The following UPRT variants were observed in gnomAD, a reference collection of about 807,000 sequenced individuals.
UPRT encodes RP11-311P8.3.
UPRT carries 5 observed loss-of-function variants against 22.6 expected under a neutral mutation model. The ratio of observed to expected loss-of-function variants is 0.22; its 90% CI spans 0.12 to 0.47. The LOEUF (loss-of-function observed/expected upper bound fraction) is 0.47, where lower values mean the gene tolerates loss of function less well. UPRT is among the 20% of genes least tolerant of loss of function. The pLI, the probability that UPRT is intolerant of heterozygous loss-of-function variation, is 0.99. For missense variants in UPRT, 181 were observed against 239.9 expected, an observed-to-expected ratio of 0.75 and a Z score of 1.62; for synonymous variants, 77 against 87.7, an observed-to-expected ratio of 0.88 and a Z score of 0.68.
intron 1 of UPRT, among the ~76,000 whole-genome samples, chrX:75,285,752 A>G (rs775818140): frequency 4.5e-5 from 5 of 111,119 alleles, no homozygotes; most frequent in Non-Finnish European, 9.4e-5. Flanking sequence ...AGGTGCAGGT[A>G]AATAGTTATT....
intron 4 of UPRT, among the ~76,000 whole-genome samples, chrX:75,215,117 C>CT (rs1016370550): frequency 9.0e-5 from 10 of 110,747 alleles, no homozygotes; most frequent in African/African-American, 1.6e-4. Context: ...AAGAAGATAT[C>CT]TTTTTTTTAG....
chrX:75,187,528 T>C (rs1025848901), intron 4 of UPRT, among the ~76,000 whole-genome samples: 4 of 111,434 alleles, frequency 3.6e-5, no homozygotes, highest in Non-Finnish European at 7.5e-5. Context: ...GAGGAGTATC[T>C]TTGTGGCATT....
intron 4 of UPRT, among the ~76,000 whole-genome samples, chrX:75,180,076 C>A (rs1261984907): frequency 8.9e-6 from 1 of 112,735 alleles, no homozygotes; most frequent in Non-Finnish European, 1.9e-5. Context: ...CACGCTGTCA[C>A]CTCTCACTTT....
intron 4 of UPRT, among the ~76,000 whole-genome samples, chrX:75,234,328 T>A (rs1265059329): frequency 1.8e-5 from 2 of 110,643 alleles, no homozygotes; most frequent in Admixed American, 9.7e-5. Flanking sequence ...CTCCCACACA[T>A]TAATAATGGG....
intron 4 of UPRT, among the ~76,000 whole-genome samples, chrX:75,241,592 G>T (rs1360761303): frequency 3.6e-5 from 4 of 111,393 alleles, no homozygotes; most frequent in Non-Finnish European, 7.6e-5. Context: ...CAGAGAAAAA[G>T]AAGTCATTAT....
intron 4 of UPRT, among the ~76,000 whole-genome samples, chrX:75,252,690 G>A (rs1000235710): frequency 8.9e-6 from 1 of 111,742 alleles, no homozygotes; most frequent in Non-Finnish European, 1.9e-5. Flanking sequence ...TCCCATTACT[G>A]GGTATATACC....
chrX:75,209,012 C>A (rs1350776056), intron 4 of UPRT, among the ~76,000 whole-genome samples: 3 of 111,550 alleles, frequency 2.7e-5, no homozygotes, highest in Non-Finnish European at 5.6e-5. Context: ...CTTAATCTGT[C>A]CTGCCTCAAG....
intron 4 of UPRT, among the ~76,000 whole-genome samples, chrX:75,247,853 C>T (rs2082512447): frequency 9.0e-6 from 1 of 111,514 alleles, no homozygotes; most frequent in African/African-American, 3.3e-5. Flanking sequence ...CTCACAGGGC[C>T]GGGTACTCCT....
chrX:75,225,024 A>G (rs374200309), intron 4 of UPRT, among the ~76,000 whole-genome samples: 1 of 110,464 alleles, frequency 9.1e-6, no homozygotes, highest in African/African-American at 3.3e-5. Context: ...TAACACTTTC[A>G]CTCTAGGAGC....
chrX:75,157,186 C>T (rs750894770), intron 1 of UPRT, among the ~76,000 whole-genome samples: 1 of 112,035 alleles, frequency 8.9e-6, no homozygotes, highest in Non-Finnish European at 1.9e-5. Context: ...ACCCCGGAGA[C>T]AATAATGCAG....
chrX:75,285,383 C>G (rs887925324), intron 1 of UPRT: 1 of 111,820 alleles, frequency 8.9e-6, no homozygotes, highest in Admixed American at 9.5e-5. Context: ...TTACCCCCTG[C>G]TCCTCTGGCC....
intron 4 of UPRT, among the ~76,000 whole-genome samples, chrX:75,233,431 G>C (rs1033446766): frequency 1.1e-4 from 12 of 110,841 alleles, no homozygotes; most frequent in Admixed American, 6.7e-4. Context: ...AGGAAATACA[G>C]AGAATGCCAC....
intron 4 of UPRT, chrX:75,201,372 T>C (rs974953891): frequency 8.9e-6 from 1 of 112,617 alleles, no homozygotes; most frequent in African/African-American, 3.2e-5. Context: ...GACTGTGAAC[T>C]TCAATAAACT....
intron 4 of UPRT, among the ~76,000 whole-genome samples, chrX:75,235,454 T>C (rs933404584): frequency 8.9e-6 from 1 of 111,937 alleles, no homozygotes; most frequent in African/African-American, 3.3e-5. Context: ...AGCATCATAC[T>C]GATACCAAAG....
intron 4 of UPRT, among the ~76,000 whole-genome samples, chrX:75,265,686 A>C (rs752246446): frequency 8.9e-6 from 1 of 111,890 alleles, no homozygotes; most frequent in African/African-American, 3.2e-5. Flanking sequence ...AACTCTTCAA[A>C]GTCATTCTCT....
intron 4 of UPRT, among the ~76,000 whole-genome samples, chrX:75,266,081 A>G (rs773437430): frequency 3.5e-4 from 39 of 111,624 alleles, no homozygotes; most frequent in African/African-American, 8.5e-4. Flanking sequence ...CAGAATTGGA[A>G]AAAACTACTT....
intron 4 of UPRT, among the ~76,000 whole-genome samples, chrX:75,172,698 C>T (rs2082231807): frequency 9.1e-6 from 1 of 110,144 alleles, no homozygotes; most frequent in African/African-American, 3.3e-5. Flanking sequence ...TTCGTGGTCT[C>T]GCTGGCTTAG....
intron 4 of UPRT, among the ~76,000 whole-genome samples, chrX:75,237,352 G>T (rs986967007): frequency 8.9e-6 from 1 of 111,782 alleles, no homozygotes; most frequent in African/African-American, 3.3e-5. Context: ...CTGTTGGTGG[G>T]ACTGTAAACT....
intron 4 of UPRT, among the ~76,000 whole-genome samples, chrX:75,205,407 A>G (rs892064241): frequency 3.7e-4 from 40 of 108,590 alleles, no homozygotes; most frequent in Non-Finnish European, 6.1e-4. Flanking sequence ...AAAAAAAAAA[A>G]AAAAAAGAGA....
Sources: allele counts gnomAD v4.1 joint callset (sites outside exome capture counted in the v4.1 genomes callset), GRCh38; gene constraint gnomAD v4.1.1; transcripts MANE v1.5; gene names NCBI Gene and HGNC (gene_info 2026-07-23, HGNC 2026-07-21).